The following ZNF98 variants were observed in gnomAD, a reference collection of about 807,000 sequenced individuals.
The protein encoded by ZNF98 is zinc finger protein 739.
ZNF98 carries 8 observed loss-of-function variants against 12.8 expected under a neutral mutation model. That is an observed-to-expected ratio of 0.63 (90% CI 0.37 to 1.13). The LOEUF (loss-of-function observed/expected upper bound fraction) is 1.13. ZNF98 is among the 50% of genes most tolerant of loss of function. The pLI, the probability that ZNF98 is intolerant of heterozygous loss-of-function variation, is 0.01. For synonymous variants in ZNF98, 112 were observed against 223.5 expected, an observed-to-expected ratio of 0.50 and a Z score of 4.45; for missense variants, 379 against 666.1, an observed-to-expected ratio of 0.57 and a Z score of 4.74.
intron 1 of ZNF98, among the ~76,000 whole-genome samples, chr19:22,418,051 TAG>T (rs1969664492): frequency 6.6e-6 from 1 of 152,266 alleles, no homozygotes; most frequent in Non-Finnish European, 1.5e-5. Flanking sequence ...ACCAAATCTG[TAG>T]AGTTTGCTGA....
At chr19:22,406,179 C>T (rs1373617200) in intron 1 of ZNF98, among the ~76,000 whole-genome samples, 1 of 152,086 alleles carries the variant, frequency 6.6e-6, no homozygotes, top group Admixed American at 6.6e-5. Flanking sequence ...TGAAATACTC[C>T]AACTGGGGTT....
intron 3 of ZNF98, among the ~76,000 whole-genome samples, chr19:22,393,883 C>A (rs1377578819): frequency 6.6e-6 from 1 of 151,986 alleles, no homozygotes; most frequent in Non-Finnish European, 1.5e-5. Context: ...GAAACTACCA[C>A]CAGAATGAAC....
intron 1 of ZNF98, among the ~76,000 whole-genome samples, chr19:22,411,261 TC>T (rs771067545): frequency 6.6e-6 from 1 of 152,112 alleles, no homozygotes; most frequent in Non-Finnish European, 1.5e-5. Context: ...GGTCTCAAAC[TC>T]CTGACCTCAA....
chr19:22,408,121 G>C (rs1293672591), intron 1 of ZNF98, among the ~76,000 whole-genome samples: 1 of 152,114 alleles, frequency 6.6e-6, no homozygotes, highest in Non-Finnish European at 1.5e-5. Flanking sequence ...TTCATCCCTG[G>C]GATGCAGGGC....
Position 22,391,405 on chromosome 19 carries a change from G to A in ZNF98, c.*111C>T, listed in dbSNP as rs1273238291. The A allele has an allele frequency of 2.0e-6, 3 of 1,484,052 alleles. No individual in the cohort carries two copies. Among genetic ancestry groups the A allele is most frequent in the African/African-American group, 2.8e-5 (2 of 70,654 alleles). 91.9% of individuals were successfully genotyped at this position (1,484,052 alleles called of 1,614,324 possible). On this transcript the variant is annotated 3_prime_UTR_variant, in exon 4 of 4. Transcript: ENST00000357774. ...CTGTGCAATAAGGTTTGAGCATTGT[G>A]TAAGTTTTGCCACACTGTTCACACT...
At position 22,392,764 on chromosome 19, in the gene ZNF98, G is replaced by A. The variant is rs1461812427; in HGVS notation, c.471C>T (p.Asp157=). ...TTTQNKIFQY[D]KYVKVFHKFS... ...ATTTATGAAAGACTTTCACATATTTGTCATATTGAAATATTTTGTTCTGGG... is the reference window on the plus strand; with the variant it reads ...ATTTATGAAAGACTTTCACATATTTATCATATTGAAATATTTTGTTCTGGG... The change falls in exon 4 of 4, where the codon GAC becomes GAT. Residue 157 remains aspartate, a synonymous_variant. Coordinates refer to ENST00000357774, the MANE Select transcript of ZNF98 (RefSeq NM_001098626.2). The A allele has an allele frequency of 6.2e-7, 1 of 1,611,104 alleles. No individual in the cohort carries two copies. The highest frequency in any genetic ancestry group is 8.5e-7 in the Non-Finnish European group (1 of 1,178,658).
chr19:22,421,455 C>T (rs1338777157), intron 1 of ZNF98, among the ~76,000 whole-genome samples: 2 of 152,026 alleles, frequency 1.3e-5, no homozygotes. Context: ...TGGCTCCAAT[C>T]CCTGGATTCC....
intron 3 of ZNF98, among the ~76,000 whole-genome samples, chr19:22,395,758 A>T (rs1969384361): frequency 1.3e-5 from 2 of 152,170 alleles, no homozygotes; most frequent in African/African-American, 4.8e-5. Context: ...TCTTAGGAGC[A>T]GCAAGGTAAA....
chr19:22,404,255 T>A (rs1188172437), intron 1 of ZNF98, among the ~76,000 whole-genome samples: 1 of 152,174 alleles, frequency 6.6e-6, no homozygotes, highest in East Asian at 1.9e-4. Context: ...TGGAATAAAA[T>A]CTGAGTTTCT....
intron 1 of ZNF98, among the ~76,000 whole-genome samples, chr19:22,413,901 T>C (rs1447277136): frequency 7.9e-6 from 1 of 126,586 alleles, no homozygotes; most frequent in East Asian, 2.3e-4. Flanking sequence ...AAGTCAGAGA[T>C]GACACAAACA....
chr19:22,419,337 C>A (rs971858184), intron 1 of ZNF98, among the ~76,000 whole-genome samples: 2 of 152,240 alleles, frequency 1.3e-5, no homozygotes, highest in South Asian at 2.1e-4. Flanking sequence ...CTCTGTGGGG[C>A]CCCAGTTTTC....
At chr19:22,421,669 C>T (rs1969705679) in intron 1 of ZNF98, among the ~76,000 whole-genome samples, 2 of 152,256 alleles carry the variant, frequency 1.3e-5, no homozygotes, top group South Asian at 4.1e-4. Context: ...CATCATGCAT[C>T]TTTCCTTCAA....
At position 22,392,105 on chromosome 19, in the gene ZNF98, G is replaced by C. The variant is rs1436587782; in HGVS notation, c.1130C>G (p.Pro377Arg). 8 of 1,607,912 alleles carry C rather than the reference G, an allele frequency of 5.0e-6. No individual in the cohort carries two copies. The African/African-American group carries it at 1.1e-4, about 22-fold the overall frequency. ...TTTGCCACATTCTTCACACTTGTAG[G>C]GTTTCTCTCCAGAATGAATTCTCTT... ...THKRIHSGEK[P>R]YKCEECGKAF... The change falls in exon 4 of 4, where the codon CCC (proline) becomes CGC (arginine). Residue 377 changes from proline to arginine, a missense_variant. Physicochemically the swap from Pro to Arg is moderately radical, Grantham distance 103. This residue lies in a region of ZNF98 where 19 missense variants were observed against 119.7 expected (regional missense o/e 0.16). Transcript: ENST00000357774.
intron 3 of ZNF98, chr19:22,402,335 A>C: frequency 2.6e-6 from 1 of 390,140 alleles, no homozygotes; most frequent in Non-Finnish European, 4.5e-6. Context: ...CTATAATAAG[A>C]CAGAATGCAA....
At chr19:22,418,205 T>TA (rs1969665454) in intron 1 of ZNF98, among the ~76,000 whole-genome samples, 1 of 152,100 alleles carries the variant, frequency 6.6e-6, no homozygotes. Context: ...ACAAACCCCA[T>TA]AGGCCCATCT....
chr19:22,406,592 C>A (rs1969521659), intron 1 of ZNF98, among the ~76,000 whole-genome samples: 1 of 151,934 alleles, frequency 6.6e-6, no homozygotes, highest in African/African-American at 2.4e-5. Context: ...CTGAGGCGGG[C>A]AGATCATGAG....
At chr19:22,395,180 A>G (rs889988310) in intron 3 of ZNF98, among the ~76,000 whole-genome samples, 2 of 142,086 alleles carry the variant, frequency 1.4e-5, no homozygotes, top group African/African-American at 5.8e-5. Flanking sequence ...TTCAAAAAGA[A>G]AAAAAAAAAA....
intron 1 of ZNF98, among the ~76,000 whole-genome samples, chr19:22,420,453 C>T (rs2145125198): frequency 6.6e-6 from 1 of 152,162 alleles, no homozygotes; most frequent in East Asian, 1.9e-4. Flanking sequence ...TTTCTGTTTT[C>T]CCCTCAATAT....
chr19:22,407,870 G>C (rs2145117325), intron 1 of ZNF98, among the ~76,000 whole-genome samples: 1 of 152,044 alleles, frequency 6.6e-6, no homozygotes, highest in South Asian at 2.1e-4. Context: ...AGGAGTTCGA[G>C]ACCAGCCTGA....
Sources: gnomAD v4.1 joint callset for allele counts (sites outside exome capture counted in the v4.1 genomes callset) on GRCh38, gnomAD v4.1.1 for gene constraint, gnomAD v4.1.1 regional missense constraint, MANE v1.5 for transcripts, NCBI Gene and HGNC (gene_info 2026-07-23, HGNC 2026-07-21) for gene names.